Variants in TMEM114 observed in about 807,000 individuals in gnomAD.
TMEM114 encodes the protein transmembrane protein 114, also known as claudin-26.
Under a neutral mutation model 6.2 loss-of-function variants are expected in TMEM114, and 6 were observed. The ratio of observed to expected loss-of-function variants is 0.97; its 90% CI spans 0.53 to 1.91. The LOEUF is 1.91. Among genes scored for constraint, TMEM114 ranks in the 40% most tolerant of loss-of-function variants. The pLI is 0.01. For missense variants in TMEM114, 218 were observed against 158.3 expected (o/e 1.38, Z -2.02); for synonymous variants, 104 against 73.0 (o/e 1.42, Z -2.16).
intron 2 of TMEM114, among the ~76,000 whole-genome samples, chr16:8,553,058 T>C (rs1900895896): frequency 1.3e-5 from 2 of 152,224 alleles, no homozygotes; most frequent in Non-Finnish European, 2.9e-5. Flanking sequence ...AGGTTTTTCT[T>C]CCGACTTCTC....
intron 2 of TMEM114, among the ~76,000 whole-genome samples, chr16:8,549,988 G>C (rs757466421): frequency 6.6e-6 from 1 of 152,188 alleles, no homozygotes; most frequent in Non-Finnish European, 1.5e-5. Flanking sequence ...GCAGCCTTCA[G>C]TCTGTAGCCA....
chr16:8,557,366 C>T (rs1177268649), intron 2 of TMEM114, among the ~76,000 whole-genome samples: 2 of 152,118 alleles, frequency 1.3e-5, no homozygotes, highest in Non-Finnish European at 2.9e-5. Context: ...CAGTGTAGCC[C>T]ATGGGGAGAG....
At position 8,569,903 on chromosome 16, in the gene TMEM114, A is replaced by T. The variant is rs756172089; in HGVS notation, c.542T>A (p.Val181Glu). ...LLEEKALLDQVDISFGWSLAL... is the reference protein window; with the variant it reads ...LLEEKALLDQEDISFGWSLAL... ...CAGGGACCAGCCGAAGCTGATGTCC[A>T]CCTGGTCCAGGAGGGCCTTCTCCTC... Residue 181 changes from valine to glutamate, a missense_variant, in exon 4 of 4, where the codon GTG becomes GAG. Physicochemically the swap from Val to Glu is moderately radical, Grantham distance 121. Transcript: ENST00000620492. 2.0e-5 allele frequency: 31 copies of T among 1,551,082 alleles called. No individual in the cohort carries two copies. Among genetic ancestry groups the T allele is most frequent in the Non-Finnish European group, 2.0e-5 (23 of 1,146,954 alleles).
At chr16:8,551,062 C>G (rs1001506944) in intron 2 of TMEM114, among the ~76,000 whole-genome samples, 2 of 152,224 alleles carry the variant, frequency 1.3e-5, no homozygotes, top group African/African-American at 4.8e-5. Flanking sequence ...TGTTCGCTCA[C>G]TCTTCCTTGT....
intron 2 of TMEM114, among the ~76,000 whole-genome samples, chr16:8,546,472 A>G (rs967783631): frequency 6.6e-6 from 1 of 152,160 alleles, no homozygotes; most frequent in African/African-American, 2.4e-5. Context: ...ACCAGCCCGG[A>G]CATTATCTAC....
intron 2 of TMEM114, among the ~76,000 whole-genome samples, chr16:8,572,507 C>G (rs1285885851): frequency 6.6e-6 from 1 of 152,214 alleles, no homozygotes; most frequent in Non-Finnish European, 1.5e-5. Context: ...ACGACCATGG[C>G]TCACTGCAGC....
the TMEM114 span, among the ~76,000 whole-genome samples, chr16:8,529,079 G>C: frequency 6.6e-6 from 1 of 152,218 alleles, no homozygotes; most frequent in Non-Finnish European, 1.5e-5. Flanking sequence ...ATCGTTCGGA[G>C]AGGACAGCAA....
At chr16:8,570,373 C>A (rs963362403) in intron 3 of TMEM114, among the ~76,000 whole-genome samples, 1 of 152,010 alleles carries the variant, frequency 6.6e-6, no homozygotes, top group African/African-American at 2.4e-5. Flanking sequence ...TGGAGTGCAG[C>A]GGTGCGATCT....
At chr16:8,538,850 G>A (rs1419990544) in intron 2 of TMEM114, among the ~76,000 whole-genome samples, 2 of 152,278 alleles carry the variant, frequency 1.3e-5, no homozygotes, top group East Asian at 3.9e-4. Context: ...TTGCATATGT[G>A]TGTGGATGTA....
downstream of TMEM114, among the ~76,000 whole-genome samples, chr16:8,536,567 C>G (rs145272676): frequency 6.6e-6 from 1 of 152,322 alleles, no homozygotes; most frequent in Non-Finnish European, 1.5e-5. Flanking sequence ...ATTGCTTAAA[C>G]AAATTAAAGT....
intron 2 of TMEM114, among the ~76,000 whole-genome samples, chr16:8,574,505 C>T (rs1385022024): frequency 1.3e-5 from 2 of 152,170 alleles, no homozygotes; most frequent in Non-Finnish European, 2.9e-5. Flanking sequence ...CCAAGGCTGT[C>T]CTGTGATAAA....
Position 8,583,143 on chromosome 16 carries a change from C to A in TMEM114, c.301+6070G>T, listed in dbSNP as rs535676302. ...GAAGATTAAATGAGTAGATACAAGT[C>A]AAGAGCTCAGAATGGTGTCCAGCAC... On this transcript the variant is annotated intron_variant, in intron 2 of 3. Transcript: ENST00000620492. 4.7e-4 allele frequency among the ~76,000 whole-genome samples: 71 copies of A among 152,290 alleles called. 1 individual carries two copies. The highest frequency in any genetic ancestry group is 1.7e-3 in the African/African-American group (70 of 41,562).
At chr16:8,528,235 A>C in the TMEM114 span, among the ~76,000 whole-genome samples, 1 of 128,488 alleles carries the variant, frequency 7.8e-6, no homozygotes, top group Non-Finnish European at 1.7e-5. Flanking sequence ...GAATTTGTTC[A>C]CCCAAAATGC....
downstream of TMEM114, among the ~76,000 whole-genome samples, chr16:8,568,625 G>A (rs921645262): frequency 6.6e-6 from 1 of 152,182 alleles, no homozygotes; most frequent in African/African-American, 2.4e-5. Flanking sequence ...TAATCGTGTT[G>A]TCATCTTTTA....
intron 2 of TMEM114, among the ~76,000 whole-genome samples, chr16:8,542,452 C>T (rs1331996910): frequency 6.6e-6 from 1 of 152,158 alleles, no homozygotes; most frequent in East Asian, 1.9e-4. Flanking sequence ...CCTCCAGCAC[C>T]ATCTTGGAAA....
intron 2 of TMEM114, among the ~76,000 whole-genome samples, chr16:8,546,540 G>T (rs1900672397): frequency 6.6e-6 from 1 of 152,146 alleles, no homozygotes; most frequent in Non-Finnish European, 1.5e-5. Context: ...AGAAAGTCCG[G>T]CCACTATCTC....
intron 2 of TMEM114, among the ~76,000 whole-genome samples, chr16:8,547,579 G>A (rs1031286173): frequency 6.6e-6 from 1 of 152,018 alleles, no homozygotes; most frequent in African/African-American, 2.4e-5. Flanking sequence ...TTTTAGTAGA[G>A]ACAGGGTTTC....
rs545070151 is a variant in TMEM114 at position 8,576,403 on chromosome 16, G to A, written c.302-4179C>T. Among the ~76,000 whole-genome samples, 24 of 152,306 alleles carry A rather than the reference G, an allele frequency of 1.6e-4. 1 individual carries two copies. Among genetic ancestry groups the A allele is most frequent in the Admixed American group, 1.2e-3 (18 of 15,284 alleles). On this transcript the variant is annotated intron_variant, in intron 2 of 3. Transcript: ENST00000620492. ...GACACCCCACAGCTCCCCATGGAGT[G>A]TGTTCTCCTTTGCTGCACTGAGTAA... is the stretch of plus-strand genomic sequence containing the variant.
rs151220218 is a variant in TMEM114 at position 8,578,962 on chromosome 16, G to C, written c.302-6738C>G. Among the ~76,000 whole-genome samples the C allele has an allele frequency of 6.6e-4, 101 of 152,262 alleles. 1 individual carries two copies. The highest frequency in any genetic ancestry group is 1.3e-3 in the Non-Finnish European group (89 of 68,018). On this transcript the variant is annotated intron_variant, in intron 2 of 3. Coordinates refer to ENST00000620492, the MANE Select transcript of TMEM114 (RefSeq NM_001146336.2). Reference sequence around the variant, plus strand: ...CCACTGCACTCTAGCCTGGGTGACAGGGTGAGACTCCATCTCAAAAAAATA... The same window carrying C: ...CCACTGCACTCTAGCCTGGGTGACACGGTGAGACTCCATCTCAAAAAAATA...
Sources: gnomAD v4.1 joint callset for allele counts (sites outside exome capture counted in the v4.1 genomes callset) on GRCh38, gnomAD v4.1.1 for gene constraint, MANE v1.5 for transcripts, NCBI Gene and HGNC (gene_info 2026-07-23, HGNC 2026-07-21) for gene names.